The following LZTS3 variants were observed in gnomAD, a reference collection of about 807,000 sequenced individuals.
LZTS3 encodes leucine zipper tumor suppressor family member 3, also known as leucine zipper putative tumor suppressor 3.
A neutral mutation model predicts 50.9 loss-of-function variants in LZTS3; 16 were observed. That is an observed-to-expected ratio of 0.31 (90% confidence interval 0.21 to 0.48). LZTS3 has a LOEUF of 0.48. LZTS3 is among the 20% of genes least tolerant of loss of function. The pLI is 0.99. For missense variants in LZTS3, 816 were observed against 931.0 expected (o/e 0.88, Z 1.61); for synonymous variants, 408 against 410.6 (o/e 0.99, Z 0.08).
intron 3 of LZTS3, 77 bp from the exon 4 acceptor site, chr20:3,166,437 A>T: frequency 6.7e-7 from 1 of 1,482,350 alleles, no homozygotes; most frequent in Non-Finnish European, 9.0e-7. Flanking sequence ...TCTGGCCAAG[A>T]CTTGTCCAGC....
intron 3 of LZTS3, 136 bp from the exon 4 acceptor site, chr20:3,166,496 G>T: frequency 8.0e-7 from 1 of 1,246,468 alleles, no homozygotes; most frequent in Non-Finnish European, 1.1e-6. Context: ...CCCCATCCGG[G>T]GTTCTACCTC....
At position 3,166,376 on chromosome 20, in the gene LZTS3, G is replaced by A; in HGVS notation, c.460-16C>T. ...GTTCTGAGCACTGCAGGAAACGCAG[G>A]AGGGGGCTGGGGGTCAGGATGAGGC... On this transcript the variant is annotated splice_polypyrimidine_tract_variant and intron_variant, in intron 3 of 4. Transcript: ENST00000337576. 1.9e-6 allele frequency: 3 copies of A among 1,585,248 alleles called. No homozygotes were observed. Among genetic ancestry groups the A allele is most frequent in the Non-Finnish European group, 2.6e-6 (3 of 1,165,512 alleles).
At position 3,165,411 on chromosome 20, in the gene LZTS3, G is replaced by A; in HGVS notation, c.1323+86C>T. 2 of 1,023,732 alleles carry A rather than the reference G, an allele frequency of 2.0e-6. No individual in the cohort carries two copies. The highest frequency in any genetic ancestry group is 2.6e-6 in the Non-Finnish European group (2 of 754,906). The allele number at this position is 1,023,732 out of a possible 1,614,324, so 63.4% of individuals were successfully genotyped here. On this transcript the variant is annotated intron_variant, in intron 4 of 4. Coordinates refer to ENST00000337576, the MANE Select transcript of LZTS3 (RefSeq NM_001365618.1). This position sits in a 1 kb window ranked among gnomAD's most constrained non-coding sequence, Gnocchi z 5.0. ...CTTTCATCCCCCCCCCCATCCCACC[G>A]TTATGATAGTGAGGGGCAACTGCTC...
intron 2 of LZTS3, 83 bp from the exon 3 acceptor site, chr20:3,167,264 T>C: frequency 7.1e-7 from 1 of 1,415,324 alleles, no homozygotes; most frequent in Non-Finnish European, 9.2e-7. Flanking sequence ...CCGGCACCGC[T>C]CTGCCCCTCA....
rs200160300 is a variant in LZTS3 at position 3,167,074 on chromosome 20, G to A, written c.90C>T (p.Pro30=). The A allele has an allele frequency of 1.7e-5, 26 of 1,552,666 alleles. No homozygotes were observed. Among genetic ancestry groups the A allele is most frequent in the Middle Eastern group, 1.7e-4 (1 of 5,886 alleles). The change falls in exon 3 of 5, where the codon CCC becomes CCT. Residue 30 remains proline, a synonymous_variant. Transcript: ENST00000337576. ...AFAPRPSELG[P]PDPRLAMGSV... ...TGCCCATGGCCAGGCGGGGGTCCGG[G>A]GGTCCAAGCTCGGAGGGCCGTGGGG...
chr20:3,164,689 G>A lies in LZTS3; in HGVS notation c.1787C>T (p.Ala596Val), dbSNP rs746513729. 2.5e-6 allele frequency: 4 copies of A among 1,593,566 alleles called. No homozygotes were observed. Among genetic ancestry groups the A allele is most frequent in the East Asian group, 2.3e-5 (1 of 43,200 alleles). Residue 596 changes from alanine (A) to valine (V), a missense_variant, in exon 5 of 5, where the codon GCC (alanine) becomes GTC (valine). Coordinates refer to ENST00000337576, the MANE Select transcript of LZTS3 (RefSeq NM_001365618.1). ...CACGCGGCGCTCCTCGGCGAAGCTG[G>A]CACCCTGGCGCTCCCGGGCCCGCCG... Reference protein sequence around the residue: ...AERRARERQGASFAEERRVWL... With the variant: ...AERRARERQGVSFAEERRVWL...
Position 3,164,410 on chromosome 20 carries a change from C to T in LZTS3, c.*44G>A, listed in dbSNP as rs1227903442. The T allele has an allele frequency of 6.7e-7, 1 of 1,493,440 alleles. No homozygotes were observed. Among genetic ancestry groups the T allele is most frequent in the Non-Finnish European group, 8.9e-7 (1 of 1,120,102 alleles). The allele number at this position is 1,493,440 out of a possible 1,614,324, so 92.5% of individuals were successfully genotyped here. ...GGGGAGGGGACACTGGGGACTCTGGCCTTTTGACAGGACATGTGTCAAAAT... is the reference window on the plus strand; with the variant it reads ...GGGGAGGGGACACTGGGGACTCTGGTCTTTTGACAGGACATGTGTCAAAAT... On this transcript the variant is annotated 3_prime_UTR_variant, in exon 5 of 5. Transcript: ENST00000337576.
chr20:3,169,339 T>C (rs2066874380), intron 1 of LZTS3, among the ~76,000 whole-genome samples: 1 of 151,984 alleles, frequency 6.6e-6, no homozygotes. Flanking sequence ...CTGGGTGCAA[T>C]GTGGGGAGCA....
Position 3,164,266 on chromosome 20 carries a change from G to C in LZTS3, c.*188C>G. 1.8e-6 allele frequency: 1 copy of C among 541,496 alleles called. No homozygotes were observed. The highest frequency in any genetic ancestry group is 4.2e-5 in the South Asian group (1 of 23,956). 33.5% of individuals were successfully genotyped at this position (541,496 alleles called of 1,614,324 possible). On this transcript the variant is annotated 3_prime_UTR_variant, in exon 5 of 5. Transcript: ENST00000337576. ...CCTCCTTTTAGGGGGGTCCAAGTGG[G>C]CTGCCACGGGGGCAGTGCTGGAGCT...
chr20:3,165,023 G>A lies in LZTS3; in HGVS notation c.1453C>T (p.Arg485Trp), dbSNP rs2066788955. Residue 485 changes from arginine to tryptophan, a missense_variant, in exon 5 of 5, where the codon CGG (arginine) becomes TGG (tryptophan). Around this residue, in one of 3 missense-constraint regions of LZTS3, gnomAD observed 700 missense variants for 769.4 expected, o/e 0.91. Coordinates refer to ENST00000337576, the MANE Select transcript of LZTS3 (RefSeq NM_001365618.1). This position sits in a 1 kb window ranked among gnomAD's most constrained non-coding sequence, Gnocchi z 5.0. ...SQLREGRASL[R>W]EKEEQLLSLR... is the part of the protein sequence containing the mutation. ...CTGAGCAGCTGCTCCTCCTTCTCCC[G>A]CAGCGAAGCCCGGCCCTCCCGCAGC... The A allele has an allele frequency of 6.4e-7, 1 of 1,561,246 alleles. No homozygotes were observed. The highest frequency in any genetic ancestry group is 8.7e-7 in the Non-Finnish European group (1 of 1,154,600).
Position 3,166,967 on chromosome 20 carries a change from C to T in LZTS3, c.197G>A (p.Gly66Asp). The T allele has an allele frequency of 1.2e-6, 2 of 1,602,048 alleles. No homozygotes were observed. ...ACTGCCTCGGGGGCCAGGGAAACTG[C>T]CCTGGCTGCCCCCACCCCCTGTGCG... The part of the protein sequence containing the change: ...GTRTGGGGSQ[G>D]SFPGPRGSGS... Residue 66 changes from glycine to aspartate, a missense_variant, in exon 3 of 5, where the codon GGC becomes GAC. Physicochemically the swap from Gly to Asp is moderately conservative, Grantham distance 94. Coordinates refer to ENST00000337576, the MANE Select transcript of LZTS3 (RefSeq NM_001365618.1).
In LZTS3 at chr20:3,165,992, G is replaced by A. The variant is rs376979427; in HGVS notation, c.828C>T (p.Ser276=). The change falls in exon 4 of 5, where the codon TCC becomes TCT. Residue 276 remains serine (S), a synonymous_variant. Coordinates refer to ENST00000337576, the MANE Select transcript of LZTS3 (RefSeq NM_001365618.1). The surrounding 1 kb of genome is among the most constrained non-coding windows in gnomAD (Gnocchi z 5.0). ...TCTTGCTGGAGGCCCGTCCACTATC[G>A]GAGGTCCCCAGGTCCTGGTAGCCCG... ...GGSGYQDLGT[S]DSGRASSKSG... is the part of the protein sequence containing the mutation. 31 of 1,613,422 alleles carry A rather than the reference G, an allele frequency of 1.9e-5. No individual in the cohort carries two copies. Among genetic ancestry groups the A allele is most frequent in the South Asian group, 5.5e-5 (5 of 91,078 alleles).
rs1167848016 is a variant in LZTS3, at chr20:3,164,492, G to C, written c.1984C>G (p.Pro662Ala). 3 of 1,569,858 alleles carry C rather than the reference G, an allele frequency of 1.9e-6. No individual in the cohort carries two copies. The African/African-American group carries it at 4.1e-5, about 22-fold the overall frequency. Reference protein sequence around the residue: ...QHGEEKKAWTPSRLERIESTE... With the variant: ...QHGEEKKAWTASRLERIESTE... ...GACTCAATGCGCTCGAGGCGGGAGG[G>C]GGTCCAGGCCTTCTTCTCCTCGCCA... Residue 662 changes from proline (P) to alanine (A), a missense_variant, in exon 5 of 5, where the codon CCC (proline) becomes GCC (alanine). Around this residue, in one of 3 missense-constraint regions of LZTS3, gnomAD observed 107 missense variants for 130.4 expected, o/e 0.82. Coordinates refer to ENST00000337576, the MANE Select transcript of LZTS3 (RefSeq NM_001365618.1).
chr20:3,170,981 C>T (rs1039076641), intron 1 of LZTS3, among the ~76,000 whole-genome samples: 1 of 152,030 alleles, frequency 6.6e-6, no homozygotes, highest in Non-Finnish European at 1.5e-5. Flanking sequence ...TGTTAATATG[C>T]TGAGGGAAGT....
chr20:3,173,012 C>G (rs2066917687), intron 1 of LZTS3, among the ~76,000 whole-genome samples: 1 of 151,478 alleles, frequency 6.6e-6, no homozygotes, highest in African/African-American at 2.4e-5. Context: ...CCCTCCACCC[C>G]GAGCACACAC....
At chr20:3,166,585 G>T in intron 3 of LZTS3, 120 bp downstream of exon 3, 1 of 1,327,022 alleles carries the variant, frequency 7.5e-7, no homozygotes, top group Non-Finnish European at 1.0e-6. Context: ...TGACTCCCCA[G>T]CCCAGCCTCC....
At position 3,165,532 on chromosome 20, in the gene LZTS3, C is replaced by A. The variant is rs900605856; in HGVS notation, c.1288G>T (p.Asp430Tyr). The A allele has an allele frequency of 1.4e-5, 22 of 1,564,752 alleles. No homozygotes were observed. The highest frequency in any genetic ancestry group is 1.9e-5 in the Non-Finnish European group (22 of 1,161,964). ...GTTTCCTCTATCCGGGGCAGGAAGT[C>A]GGCCTGCTCCTTCTGGCAGGCGGCC... The part of the protein sequence containing the change: ...KVAACQKEQA[D>Y]FLPRIEETKW... Residue 430 changes from aspartate (D) to tyrosine (Y), a missense_variant, in exon 4 of 5, where the codon GAC becomes TAC. By Grantham distance (160) the Asp-to-Tyr change is radical. Coordinates refer to ENST00000337576, the MANE Select transcript of LZTS3 (RefSeq NM_001365618.1). This position sits in a 1 kb window ranked among gnomAD's most constrained non-coding sequence, Gnocchi z 5.0.
Position 3,165,869 on chromosome 20 carries a change from G to A in LZTS3, c.951C>T (p.Pro317=). 6.2e-7 allele frequency: 1 copy of A among 1,606,382 alleles called. No individual in the cohort carries two copies. Among genetic ancestry groups the A allele is most frequent in the Middle Eastern group, 1.7e-4 (1 of 6,052 alleles). Residue 317 remains proline (P), a synonymous_variant, in exon 4 of 5, where the codon CCC becomes CCT. Transcript: ENST00000337576. This position sits in a 1 kb window ranked among gnomAD's most constrained non-coding sequence, Gnocchi z 5.0. ...CCTCCAGCTCCTGGATGAGTGCACT[G>A]GGGGAGGGCGGTGAGCAGGCCGCGA... ...LPFAACSPPS[P]SALIQELEER... is the part of the protein sequence containing the mutation.
chr20:3,169,934 A>C (rs1476176847), intron 1 of LZTS3, among the ~76,000 whole-genome samples: 1 of 143,536 alleles, frequency 7.0e-6, no homozygotes, highest in Non-Finnish European at 1.5e-5. Context: ...TGAGATCATC[A>C]GTTTTCAAGG....
Sources: gnomAD v4.1 joint callset for allele counts (sites outside exome capture counted in the v4.1 genomes callset) on GRCh38, gnomAD v4.1.1 for gene constraint, gnomAD v4.1.1 regional missense constraint, Gnocchi (gnomAD v3.1) non-coding constraint, MANE v1.5 for transcripts, NCBI Gene and HGNC (gene_info 2026-07-23, HGNC 2026-07-21) for gene names.